SDK1: variants seen among roughly 807,000 people sequenced by gnomAD.
SDK1 encodes the protein protein sidekick-1.
In SDK1, 157 loss-of-function variants were observed where a neutral mutation model predicts 245.5. The observed-to-expected ratio is 0.64, with a 90% CI of 0.56 to 0.73. The LOEUF is 0.73. Among genes scored for constraint, SDK1 ranks in the 30% least tolerant of loss-of-function variants. The probability of loss-of-function intolerance (pLI) is 0.00; values close to 1 mark genes in which losing one functional copy is unlikely to be tolerated. For missense variants in SDK1, 3,583 were observed against 3,002.3 expected, an observed-to-expected ratio of 1.19 and a Z score of -4.52; for synonymous variants, 1,647 against 1,278.5, an observed-to-expected ratio of 1.29 and a Z score of -6.15.
intron 20 of SDK1, 30 bp from the exon 21 acceptor site, chr7:4,076,968 C>G (rs1780721896): frequency 1.2e-6 from 2 of 1,603,228 alleles, no homozygotes; most frequent in African/African-American, 1.3e-5. Context: ...TTCAGGAGAC[C>G]AACACTGGTC....
intron 35 of SDK1, among the ~76,000 whole-genome samples, chr7:4,190,839 A>C (rs1294803144): frequency 6.6e-6 from 1 of 152,176 alleles, no homozygotes; most frequent in Non-Finnish European, 1.5e-5. Context: ...TGGTGCCCCT[A>C]GGCAGACACA....
intron 1 of SDK1, among the ~76,000 whole-genome samples, chr7:3,342,643 C>G (rs10230335): frequency 1.3e-5 from 2 of 151,978 alleles, no homozygotes; most frequent in African/African-American, 2.4e-5. Context: ...GCAATAAGTT[C>G]TTAGTCTTTA....
intron 4 of SDK1, among the ~76,000 whole-genome samples, chr7:3,662,988 A>G (rs185299666): frequency 4.6e-4 from 70 of 152,342 alleles, no homozygotes; most frequent in African/African-American, 1.3e-3. Context: ...TATTATGTAT[A>G]TGCAAGTATG....
chr7:4,131,012 C>T (rs1370631612), intron 27 of SDK1, among the ~76,000 whole-genome samples: 2 of 152,140 alleles, frequency 1.3e-5, no homozygotes, highest in Non-Finnish European at 2.9e-5. Context: ...CACGGAGAGA[C>T]GGGAACCCTG....
chr7:3,557,244 A>G (rs1779616763), intron 1 of SDK1, among the ~76,000 whole-genome samples: 1 of 152,236 alleles, frequency 6.6e-6, no homozygotes, highest in Admixed American at 6.5e-5. Context: ...AATCTGTAAT[A>G]TCAAGAATGA....
Position 4,207,405 on chromosome 7 carries a change from A to T in SDK1, c.5215-694A>T, listed in dbSNP as rs148436957. ...GCTGTCTAGGGAAGCAATTCTGGCA[A>T]CCTCTTTAAACCTTTGTGCTTGGGC... On this transcript the variant is annotated intron_variant, in intron 36 of 44. Transcript: ENST00000404826. 7.7e-3 allele frequency among the ~76,000 whole-genome samples: 1,178 copies of T among 152,154 alleles called. 6 individuals are homozygous for T. Among genetic ancestry groups the T allele is most frequent in the Non-Finnish European group, 0.013 (875 of 67,988 alleles).
intron 1 of SDK1, among the ~76,000 whole-genome samples, chr7:3,571,892 A>G (rs759407750): frequency 1.2e-4 from 18 of 152,194 alleles, no homozygotes; most frequent in African/African-American, 4.1e-4. Context: ...ATTTCTACCT[A>G]GCCCTTAAAA....
At chr7:4,189,520 A>G (rs1418618748) in intron 35 of SDK1, among the ~76,000 whole-genome samples, 2 of 152,110 alleles carry the variant, frequency 1.3e-5, no homozygotes, top group Non-Finnish European at 2.9e-5. Context: ...TTCACCAAAA[A>G]CAGAAGACAG....
At chr7:3,512,978 T>C (rs1782629663) in intron 1 of SDK1, among the ~76,000 whole-genome samples, 1 of 152,182 alleles carries the variant, frequency 6.6e-6, no homozygotes, top group South Asian at 2.1e-4. Flanking sequence ...ATTGAGATGA[T>C]TGTGCCTGAA....
chr7:3,425,829 A>G (rs568433256), intron 1 of SDK1, among the ~76,000 whole-genome samples: 13 of 152,300 alleles, frequency 8.5e-5, no homozygotes, highest in African/African-American at 2.6e-4. Flanking sequence ...TTTTACCTAC[A>G]CTTCCTTAGG....
intron 5 of SDK1, among the ~76,000 whole-genome samples, chr7:3,830,704 G>A (rs142386532): frequency 9.2e-5 from 14 of 152,146 alleles, no homozygotes; most frequent in African/African-American, 3.4e-4. Flanking sequence ...GCCCATTGTT[G>A]CCCACGCTGG....
At chr7:4,163,165 G>T (rs1257519996) in intron 32 of SDK1, among the ~76,000 whole-genome samples, 1 of 152,196 alleles carries the variant, frequency 6.6e-6, no homozygotes, top group African/African-American at 2.4e-5. Flanking sequence ...AGGGAGCTGG[G>T]AACATAGTGG....
intron 16 of SDK1, among the ~76,000 whole-genome samples, chr7:4,012,539 C>T (rs1386586654): frequency 4.8e-5 from 4 of 83,672 alleles, no homozygotes; most frequent in African/African-American, 1.6e-4. Context: ...GTATATTGTT[C>T]AATGTGAAGC....
intron 30 of SDK1, among the ~76,000 whole-genome samples, chr7:4,150,299 C>T (rs760250609): frequency 1.3e-5 from 2 of 152,180 alleles, no homozygotes; most frequent in Non-Finnish European, 2.9e-5. Context: ...AGTTTGGTCA[C>T]TTGTTACTGA....
At chr7:3,935,052 T>A (rs1780108770) in intron 5 of SDK1, among the ~76,000 whole-genome samples, 1 of 152,250 alleles carries the variant, frequency 6.6e-6, no homozygotes, top group African/African-American at 2.4e-5. Context: ...CTTTTCTGTC[T>A]GTCTGCCTCA....
At chr7:3,563,707 G>C (rs892814111) in intron 1 of SDK1, among the ~76,000 whole-genome samples, 3 of 152,160 alleles carry the variant, frequency 2.0e-5, no homozygotes, top group Non-Finnish European at 4.4e-5. Context: ...AGCATGAGCT[G>C]TTAGGAATAC....
At chr7:3,451,795 C>T (rs995083569) in intron 1 of SDK1, among the ~76,000 whole-genome samples, 9 of 152,116 alleles carry the variant, frequency 5.9e-5, no homozygotes, top group Non-Finnish European at 4.4e-5. Context: ...TTCTCTCAGT[C>T]ATAAACATTT....
At chr7:4,068,031 C>T (rs913563942) in intron 20 of SDK1, 95 bp downstream of exon 20, 8 of 851,172 alleles carry the variant, frequency 9.4e-6, no homozygotes, top group Middle Eastern at 2.2e-4. Flanking sequence ...ACAGCATGGA[C>T]CCGTGCCCAT....
chr7:3,617,089 A>T (rs946322369), intron 1 of SDK1, among the ~76,000 whole-genome samples: 6 of 152,184 alleles, frequency 3.9e-5, no homozygotes, highest in Non-Finnish European at 8.8e-5. Flanking sequence ...TCATTCTTAA[A>T]ATGGGTATAA....
Sources: allele counts gnomAD v4.1 joint callset (sites outside exome capture counted in the v4.1 genomes callset), GRCh38; gene constraint gnomAD v4.1.1; transcripts MANE v1.5; gene names NCBI Gene and HGNC (gene_info 2026-07-23, HGNC 2026-07-21).